The following GSK3B variants were observed in gnomAD, a reference collection of about 807,000 sequenced individuals.
GSK3B encodes glycogen synthase kinase-3 beta.
GSK3B carries 15 observed loss-of-function variants against 56.4 expected under a neutral mutation model. The ratio of observed to expected loss-of-function variants is 0.27; its 90% confidence interval spans 0.18 to 0.41. The LOEUF (loss-of-function observed/expected upper bound fraction) is 0.41, where lower values mean the gene tolerates loss of function less well. Among genes scored for constraint, GSK3B ranks in the 10% least tolerant of loss-of-function variants. GSK3B has a pLI of 1.00. For synonymous variants in GSK3B, 181 were observed against 188.9 expected, an observed-to-expected ratio of 0.96 and a Z score of 0.34; for missense variants, 300 against 513.4, an observed-to-expected ratio of 0.58 and a Z score of 4.02.
intron 1 of GSK3B, among the ~76,000 whole-genome samples, chr3:120,075,004 T>C (rs569815471): frequency 6.6e-6 from 1 of 152,202 alleles, no homozygotes; most frequent in African/African-American, 2.4e-5. Context: ...CTCAATAAAG[T>C]ATTAGCAAGT....
intron 2 of GSK3B, among the ~76,000 whole-genome samples, chr3:119,995,907 T>C (rs2057612517): frequency 6.6e-6 from 1 of 151,876 alleles, no homozygotes. Context: ...TTTGCTAATA[T>C]TTGTATTTTT....
intron 1 of GSK3B, chr3:120,084,497 T>G (rs2058447165): frequency 6.6e-6 from 1 of 152,204 alleles, no homozygotes; most frequent in Non-Finnish European, 1.5e-5. Context: ...CTTTAAATCA[T>G]ATATTCCTTT....
At chr3:119,961,899 A>G (rs1254897522) in intron 2 of GSK3B, among the ~76,000 whole-genome samples, 1 of 152,234 alleles carries the variant, frequency 6.6e-6, no homozygotes, top group South Asian at 2.1e-4. Context: ...TATGCGATAC[A>G]TGACTTTGTC....
chr3:119,990,719 AG>A (rs950246694), intron 2 of GSK3B, among the ~76,000 whole-genome samples: 7 of 152,222 alleles, frequency 4.6e-5, no homozygotes, highest in African/African-American at 1.4e-4. Flanking sequence ...ACCTGAGGTC[AG>A]GAGTTCGAGA....
chr3:120,020,953 A>C (rs953996015), intron 1 of GSK3B, among the ~76,000 whole-genome samples: 1 of 152,190 alleles, frequency 6.6e-6, no homozygotes, highest in Admixed American at 6.5e-5. Context: ...AGACCAAACC[A>C]ACCACAACAT....
chr3:119,841,869 C>A (rs1432313485), intron 10 of GSK3B, among the ~76,000 whole-genome samples: 1 of 152,144 alleles, frequency 6.6e-6, no homozygotes, highest in Non-Finnish European at 1.5e-5. Flanking sequence ...TCTTTATTAG[C>A]AACATTTTAA....
intron 1 of GSK3B, among the ~76,000 whole-genome samples, chr3:120,078,959 T>C (rs2058390280): frequency 6.9e-6 from 1 of 145,900 alleles, no homozygotes; most frequent in Non-Finnish European, 1.5e-5. Context: ...TTTTTTCTTT[T>C]TGAGACAGTC....
chr3:119,890,892 T>C (rs1417087441), intron 7 of GSK3B, among the ~76,000 whole-genome samples: 3 of 152,052 alleles, frequency 2.0e-5, no homozygotes, highest in Admixed American at 6.6e-5. Context: ...CTATTTTATA[T>C]ACAATATGCA....
At position 120,015,649 on chromosome 3, in the gene GSK3B, CAAAAAAAAAAAAA is replaced by C. The variant is rs61520236; in HGVS notation, c.89-13423_89-13411del. On this transcript the variant is annotated intron_variant, in intron 1 of 10. Transcript: ENST00000264235. ...TGGGAGACAGGGTGAGACTCTGTCT[CAAAAAAAAAAAAA>C]AAAAAAAAAAAAAAAAACTAGACAT... Among the ~76,000 whole-genome samples, 31 of 46,948 alleles carry C rather than the reference CAAAAAAAAAAAAA, an allele frequency of 6.6e-4. 1 individual carries two copies. The highest frequency in any genetic ancestry group is 3.9e-3 in the Admixed American group (11 of 2,802). 30.8% of individuals were successfully genotyped at this position (46,948 alleles called of 152,430 possible). A position where few individuals can be genotyped will look rare whatever the true frequency, so the allele number is the denominator to read the frequency against.
chr3:120,011,860 T>A (rs1467132728), intron 1 of GSK3B, among the ~76,000 whole-genome samples: 1 of 152,216 alleles, frequency 6.6e-6, no homozygotes, highest in East Asian at 1.9e-4. Context: ...TTAATACCTA[T>A]AATAGATTAA....
chr3:119,914,511 A>G (rs1559834429), intron 5 of GSK3B, among the ~76,000 whole-genome samples: 1 of 152,084 alleles, frequency 6.6e-6, no homozygotes, highest in South Asian at 2.1e-4. Flanking sequence ...CTCAATGGTG[A>G]AGACACCCCA....
intron 9 of GSK3B, among the ~76,000 whole-genome samples, chr3:119,850,720 T>C (rs924940532): frequency 1.3e-5 from 2 of 152,132 alleles, no homozygotes; most frequent in African/African-American, 4.8e-5. Context: ...TTTTGGAGGA[T>C]AGAAACAGCA....
At position 119,822,207 on chromosome 3, in the gene GSK3B, A is replaced by C. The variant is rs2055419559; in HGVS notation, c.*4581T>G. The C allele has an allele frequency of 5.5e-6, 1 of 183,262 alleles. No homozygotes were observed. 11.4% of individuals were successfully genotyped at this position (183,262 alleles called of 1,614,324 possible). A position where few individuals can be genotyped will look rare whatever the true frequency, so the allele number is the denominator to read the frequency against. On this transcript the variant is annotated 3_prime_UTR_variant, in exon 11 of 11. Transcript: ENST00000264235. ...CTTTATATCAAGACAGATTTGCACA[A>C]GTGTTTGCAATAGTTTGTATACAAC...
chr3:119,876,710 G>GA (rs1272863910), intron 7 of GSK3B, among the ~76,000 whole-genome samples: 10 of 152,182 alleles, frequency 6.6e-5, no homozygotes, highest in Admixed American at 6.5e-4. Context: ...CAACAGTGTT[G>GA]AGAGGTGGGA....
chr3:119,878,607 G>GT (rs1358292103), intron 7 of GSK3B, among the ~76,000 whole-genome samples: 2 of 151,926 alleles, frequency 1.3e-5, no homozygotes, highest in Admixed American at 1.3e-4. Flanking sequence ...TCACTCCTAG[G>GT]TACATACCCA....
At chr3:119,835,674 G>GT (rs950908136) in intron 10 of GSK3B, among the ~76,000 whole-genome samples, 22 of 150,930 alleles carry the variant, frequency 1.5e-4, no homozygotes, top group South Asian at 6.3e-4. Context: ...CTGCTTTTTT[G>GT]TTTTTTTTTA....
intron 9 of GSK3B, among the ~76,000 whole-genome samples, chr3:119,849,609 T>A (rs1266614946): frequency 6.6e-6 from 1 of 152,162 alleles, no homozygotes; most frequent in Non-Finnish European, 1.5e-5. Flanking sequence ...TCTGTGTATC[T>A]GAATGCCAGT....
intron 8 of GSK3B, among the ~76,000 whole-genome samples, chr3:119,871,071 C>T (rs966090344): frequency 6.6e-6 from 1 of 152,156 alleles, no homozygotes; most frequent in Non-Finnish European, 1.5e-5. Flanking sequence ...TCTGAAAATT[C>T]TATTGAATGG....
intron 7 of GSK3B, among the ~76,000 whole-genome samples, chr3:119,902,912 G>A (rs951263288): frequency 2.0e-5 from 3 of 150,982 alleles, no homozygotes; most frequent in Non-Finnish European, 4.4e-5. Context: ...ACTGGGTTTC[G>A]CCATGTTCCC....
Sources: allele counts gnomAD v4.1 joint callset (sites outside exome capture counted in the v4.1 genomes callset), GRCh38; gene constraint gnomAD v4.1.1; transcripts MANE v1.5; gene names NCBI Gene and HGNC (gene_info 2026-07-23, HGNC 2026-07-21).